The following PHKB variants were observed in gnomAD, a reference collection of about 807,000 sequenced individuals.
PHKB encodes the protein phosphorylase b kinase regulatory subunit beta.
PHKB carries 122 observed loss-of-function variants against 152.1 expected under a neutral mutation model. The observed-to-expected ratio is 0.80, with a 90% confidence interval of 0.69 to 0.93. The LOEUF is 0.93. Among genes scored for constraint, PHKB ranks in the 40% least tolerant of loss-of-function variants. The pLI, the probability that PHKB is intolerant of heterozygous loss-of-function variation, is 0.00. For synonymous variants in PHKB, 436 were observed against 464.9 expected (o/e 0.94, Z 0.80); for missense variants, 1,304 against 1,328.4 (o/e 0.98, Z 0.29).
At chr16:47,699,141 A>AT (rs1567362287) in intron 30 of PHKB, 88 bp from the exon 31 acceptor site, 1 of 1,231,308 alleles carries the variant, frequency 8.1e-7, no homozygotes, top group Non-Finnish European at 1.2e-6. Context: ...ATGTGAATTT[A>AT]TTTTTCCCCC....
chr16:47,482,981 A>G (rs1357357846), intron 1 of PHKB, among the ~76,000 whole-genome samples: 1 of 151,708 alleles, frequency 6.6e-6, no homozygotes, highest in Non-Finnish European at 1.5e-5. Context: ...TTGGCCTCCC[A>G]AAGTACTGAG....
chr16:47,688,401 A>G (rs1197855504), intron 26 of PHKB, among the ~76,000 whole-genome samples: 1 of 152,210 alleles, frequency 6.6e-6, no homozygotes, highest in Non-Finnish European at 1.5e-5. Flanking sequence ...CTCCTCAAAA[A>G]ATTATTTACA....
chr16:47,670,743 G>A (rs1381956505), intron 26 of PHKB, among the ~76,000 whole-genome samples: 1 of 152,134 alleles, frequency 6.6e-6, no homozygotes, highest in Non-Finnish European at 1.5e-5. Flanking sequence ...GCCTGCCTCA[G>A]CCTCCCAAAG....
At chr16:47,539,902 A>C (rs977267369) in intron 6 of PHKB, among the ~76,000 whole-genome samples, 1 of 152,192 alleles carries the variant, frequency 6.6e-6, no homozygotes, top group Non-Finnish European at 1.5e-5. Context: ...GTGTTTGAAC[A>C]ATGTGAAATC....
At chr16:47,603,435 T>C (rs1020272736) in intron 13 of PHKB, among the ~76,000 whole-genome samples, 1 of 152,106 alleles carries the variant, frequency 6.6e-6, no homozygotes, top group Non-Finnish European at 1.5e-5. Context: ...GGGAAGCACA[T>C]GTAGTATTAC....
At chr16:47,552,281 G>A (rs897288164) in intron 7 of PHKB, among the ~76,000 whole-genome samples, 1 of 152,088 alleles carries the variant, frequency 6.6e-6, no homozygotes, top group South Asian at 2.1e-4. Flanking sequence ...TGTTTTGCCC[G>A]TTACTTCATG....
intron 1 of PHKB, among the ~76,000 whole-genome samples, chr16:47,492,576 C>T (rs937582631): frequency 6.6e-6 from 1 of 152,170 alleles, no homozygotes. Context: ...GGATGCATGG[C>T]AGGGAGAGCT....
chr16:47,523,279 G>A (rs1970715371), intron 6 of PHKB, among the ~76,000 whole-genome samples: 1 of 152,164 alleles, frequency 6.6e-6, no homozygotes, highest in Admixed American at 6.5e-5. Flanking sequence ...CTACTTCAAA[G>A]TGTGGTGGTG....
chr16:47,501,135 CAAT>C (rs1450179051), intron 3 of PHKB, among the ~76,000 whole-genome samples: 1 of 152,086 alleles, frequency 6.6e-6, no homozygotes, highest in Non-Finnish European at 1.5e-5. Flanking sequence ...ATGGTGAAGC[CAAT>C]AATGAGACAG....
intron 7 of PHKB, among the ~76,000 whole-genome samples, chr16:47,571,495 C>G (rs1971657572): frequency 6.6e-6 from 1 of 152,154 alleles, no homozygotes; most frequent in Non-Finnish European, 1.5e-5. Context: ...TCCCTATATT[C>G]TGGACATTTA....
At chr16:47,486,126 A>G (rs1051163193) in intron 1 of PHKB, among the ~76,000 whole-genome samples, 4 of 152,218 alleles carry the variant, frequency 2.6e-5, no homozygotes, top group Non-Finnish European at 5.9e-5. Context: ...AAAATAACAC[A>G]TTAATCAAAT....
chr16:47,492,739 T>A (rs1466887227), intron 1 of PHKB, among the ~76,000 whole-genome samples: 2 of 152,168 alleles, frequency 1.3e-5, no homozygotes, highest in African/African-American at 2.4e-5. Flanking sequence ...GTGACAGGGG[T>A]TGGGGCATGG....
chr16:47,682,036 C>G (rs1484808404), intron 26 of PHKB, among the ~76,000 whole-genome samples: 8 of 152,104 alleles, frequency 5.3e-5, no homozygotes, highest in Admixed American at 5.2e-4. Flanking sequence ...CTTAGTTTGG[C>G]TGGATATTAA....
intron 26 of PHKB, among the ~76,000 whole-genome samples, chr16:47,680,584 A>G (rs994693952): frequency 6.6e-6 from 1 of 152,102 alleles, no homozygotes; most frequent in African/African-American, 2.4e-5. Context: ...CTCTGATGGT[A>G]GTTTGTATTT....
intron 20 of PHKB, among the ~76,000 whole-genome samples, chr16:47,656,896 T>G (rs932982954): frequency 3.9e-5 from 6 of 152,192 alleles, no homozygotes; most frequent in Admixed American, 1.3e-4. Flanking sequence ...ATGCTTTCCA[T>G]GCCCCAAATA....
At chr16:47,523,880 G>T (rs1376199488) in intron 6 of PHKB, among the ~76,000 whole-genome samples, 3 of 152,180 alleles carry the variant, frequency 2.0e-5, no homozygotes, top group Non-Finnish European at 4.4e-5. Flanking sequence ...AATAGTAACA[G>T]TTTACTAAGA....
At chr16:47,528,856 C>T (rs765508058) in intron 6 of PHKB, among the ~76,000 whole-genome samples, 2 of 151,898 alleles carry the variant, frequency 1.3e-5, no homozygotes, top group Non-Finnish European at 2.9e-5. Context: ...GCCACTGCAC[C>T]GGGTAATTTT....
At chr16:47,505,227 G>A (rs997369973) in intron 4 of PHKB, among the ~76,000 whole-genome samples, 1 of 152,168 alleles carries the variant, frequency 6.6e-6, no homozygotes, top group African/African-American at 2.4e-5. Flanking sequence ...GTGTGGAGCC[G>A]GGTATGGAAT....
chr16:47,512,150 G>C lies in PHKB; in HGVS notation c.513+378G>C, dbSNP rs574954750. Among the ~76,000 whole-genome samples, 59 of 152,232 alleles carry C rather than the reference G, an allele frequency of 3.9e-4. 1 individual carries two copies. The highest frequency in any genetic ancestry group is 1.2e-3 in the African/African-American group (49 of 41,554). ...ATAGCAGTCTGTGGCCCAGGGGTGG[G>C]GGAGCCCTGTCATAGAAGATTTGAG... On this transcript the variant is annotated intron_variant, in intron 5 of 30. Coordinates refer to ENST00000323584, the MANE Select transcript of PHKB (RefSeq NM_000293.3).
Sources: gnomAD v4.1 joint callset for allele counts (sites outside exome capture counted in the v4.1 genomes callset) on GRCh38, gnomAD v4.1.1 for gene constraint, MANE v1.5 for transcripts, NCBI Gene and HGNC (gene_info 2026-07-23, HGNC 2026-07-21) for gene names.